Variants in ATF7IP observed in about 807,000 individuals in gnomAD.
ATF7IP encodes the protein activating transcription factor 7 interacting protein, also known as activating transcription factor 7-interacting protein 1.
A neutral mutation model predicts 106.4 loss-of-function variants in ATF7IP; 23 were observed. The observed-to-expected ratio is 0.22, with a 90% CI of 0.16 to 0.31. The LOEUF is 0.31. Ranked by LOEUF, ATF7IP falls within the 10% of genes least tolerant of loss-of-function variation. ATF7IP has a pLI of 1.00. For missense variants in ATF7IP, 1,334 were observed against 1,524.3 expected (o/e 0.88, Z 2.08); for synonymous variants, 542 against 539.0 (o/e 1.01, Z -0.08).
In ATF7IP at chr12:14,460,995, A is replaced by C; in HGVS notation, c.2659A>C (p.Thr887Pro). Reference protein sequence around the residue: ...TAHSIVQATRTSLPTVGPSGL... With the variant: ...TAHSIVQATRPSLPTVGPSGL... ...ACACTCTATTGTACAAGCCACAAGG[A>C]CTTCTTTACCCACAGTGGGCCCATC... is the stretch of plus-strand genomic sequence containing the variant. The change falls in exon 9 of 15, where the codon ACT (threonine) becomes CCT (proline). Residue 887 changes from threonine (T) to proline (P), a missense_variant. Thr to Pro is a conservative substitution (Grantham distance 38). This residue lies in a region of ATF7IP where 370 missense variants were observed against 401.2 expected (regional missense o/e 0.92). Coordinates refer to ENST00000261168, the MANE Select transcript of ATF7IP (RefSeq NM_018179.5). The C allele has an allele frequency of 6.2e-7, 1 of 1,614,142 alleles. No individual in the cohort carries two copies. Among genetic ancestry groups the C allele is most frequent in the Non-Finnish European group, 8.5e-7 (1 of 1,180,026 alleles).
intron 1 of ATF7IP, among the ~76,000 whole-genome samples, chr12:14,374,071 T>C (rs960194641): frequency 6.6e-6 from 1 of 151,626 alleles, no homozygotes; most frequent in Non-Finnish European, 1.5e-5. Context: ...GTATAAAATA[T>C]ACATTTTCCA....
chr12:14,448,511 T>C (rs1943073360), intron 6 of ATF7IP, among the ~76,000 whole-genome samples: 1 of 152,212 alleles, frequency 6.6e-6, no homozygotes, highest in Non-Finnish European at 1.5e-5. Flanking sequence ...GTGGACTCCC[T>C]CATGCTACCC....
At chr12:14,482,520 T>A (rs997515980) in intron 13 of ATF7IP, 2 of 152,236 alleles carry the variant, frequency 1.3e-5, no homozygotes, top group Admixed American at 1.3e-4. Context: ...TTTGTATTCA[T>A]TGACAGCTGA....
intron 11 of ATF7IP, among the ~76,000 whole-genome samples, chr12:14,477,182 C>T (rs933349001): frequency 6.6e-6 from 1 of 152,040 alleles, no homozygotes; most frequent in South Asian, 2.1e-4. Flanking sequence ...TTCTAAAACA[C>T]CCAAATATTT....
chr12:14,473,918 A>G (rs1944156806), intron 10 of ATF7IP, among the ~76,000 whole-genome samples: 1 of 151,648 alleles, frequency 6.6e-6, no homozygotes, highest in Admixed American at 6.6e-5. Flanking sequence ...TATAACGTAT[A>G]ATTTGTTCTG....
At chr12:14,461,173 T>C (rs770653454) in intron 9 of ATF7IP, 40 bp downstream of exon 9, 3 of 1,569,532 alleles carry the variant, frequency 1.9e-6, no homozygotes, top group Non-Finnish European at 2.6e-6. Flanking sequence ...AATGCAAGCA[T>C]CTTAATAGCC....
intron 10 of ATF7IP, among the ~76,000 whole-genome samples, chr12:14,473,567 A>T (rs1220339133): frequency 3.3e-5 from 5 of 152,226 alleles, no homozygotes; most frequent in African/African-American, 1.2e-4. Context: ...AGAAATTAAG[A>T]ACAGAAAATA....
chr12:14,448,192 A>G (rs899376205), intron 6 of ATF7IP, among the ~76,000 whole-genome samples: 1 of 152,104 alleles, frequency 6.6e-6, no homozygotes, highest in Non-Finnish European at 1.5e-5. Context: ...TTCTGTATTG[A>G]TACATGTTCA....
At chr12:14,490,074 G>A (rs1944761934) in intron 13 of ATF7IP, among the ~76,000 whole-genome samples, 1 of 152,178 alleles carries the variant, frequency 6.6e-6, no homozygotes, top group African/African-American at 2.4e-5. Flanking sequence ...TGGGTACTCG[G>A]CATTAGCCAT....
intron 2 of ATF7IP, 71 bp downstream of exon 2, chr12:14,425,544 A>C (rs887699818): frequency 7.1e-7 from 1 of 1,399,690 alleles, no homozygotes; most frequent in Admixed American, 2.6e-5. Context: ...ACATTATCAT[A>C]ATGTTTTAAA....
intron 1 of ATF7IP, among the ~76,000 whole-genome samples, chr12:14,404,673 C>G (rs1343245997): frequency 6.6e-6 from 1 of 151,196 alleles, no homozygotes; most frequent in Non-Finnish European, 1.5e-5. Flanking sequence ...TTTTTTTTTG[C>G]ACTCATATTT....
chr12:14,470,031 A>C (rs1447434169), intron 10 of ATF7IP, among the ~76,000 whole-genome samples: 2 of 152,292 alleles, frequency 1.3e-5, no homozygotes, highest in East Asian at 1.9e-4. Flanking sequence ...CCAAGTGTAC[A>C]TCATCAATCT....
At chr12:14,462,630 A>G (rs1479462216) in intron 9 of ATF7IP, among the ~76,000 whole-genome samples, 2 of 152,020 alleles carry the variant, frequency 1.3e-5, no homozygotes, top group Non-Finnish European at 2.9e-5. Context: ...TTATAATTTC[A>G]TTATTCTGTT....
chr12:14,479,451 A>T (rs1944364378), intron 12 of ATF7IP, among the ~76,000 whole-genome samples: 1 of 152,174 alleles, frequency 6.6e-6, no homozygotes, highest in Non-Finnish European at 1.5e-5. Flanking sequence ...TTGCTTGAAG[A>T]TTTATCTGCA....
chr12:14,401,714 CTTTT>C (rs3083699), intron 1 of ATF7IP, among the ~76,000 whole-genome samples: 1 of 76,876 alleles, frequency 1.3e-5, no homozygotes, highest in African/African-American at 5.6e-5. Flanking sequence ...AGAGATTAAG[CTTTT>C]TTTTTTTTTT....
At chr12:14,398,002 C>T (rs536585223) in intron 1 of ATF7IP, among the ~76,000 whole-genome samples, 16 of 152,100 alleles carry the variant, frequency 1.1e-4, no homozygotes, top group Non-Finnish European at 2.2e-4. Flanking sequence ...TAAACTTTAA[C>T]ATACTTTAAT....
chr12:14,481,295 A>ACT, intron 13 of ATF7IP, 110 bp downstream of exon 13: 1 of 936,030 alleles, frequency 1.1e-6, no homozygotes, highest in Non-Finnish European at 1.6e-6. Context: ...TTATAATGTC[A>ACT]TATTAAAAGT....
intron 10 of ATF7IP, among the ~76,000 whole-genome samples, chr12:14,468,498 A>C (rs1943919549): frequency 6.6e-6 from 1 of 151,342 alleles, no homozygotes; most frequent in Non-Finnish European, 1.5e-5. Context: ...AAACTTAAAA[A>C]AAAAAAAAAA....
At chr12:14,474,423 T>C (rs1451943643) in intron 10 of ATF7IP, among the ~76,000 whole-genome samples, 8 of 150,642 alleles carry the variant, frequency 5.3e-5, no homozygotes, top group African/African-American at 1.7e-4. Flanking sequence ...TTTTTTGAGA[T>C]GGAGTCTTGC....
Sources: allele counts gnomAD v4.1 joint callset (sites outside exome capture counted in the v4.1 genomes callset), GRCh38; gene constraint gnomAD v4.1.1; regional missense constraint gnomAD v4.1.1; transcripts MANE v1.5; gene names NCBI Gene and HGNC (gene_info 2026-07-23, HGNC 2026-07-21).